UBE4B: variants seen among roughly 807,000 people sequenced by gnomAD.
UBE4B encodes the protein ubiquitination factor E4B, also known as ubiquitin conjugation factor E4 B.
In UBE4B, 27 loss-of-function variants were observed where a neutral mutation model predicts 148.1. The ratio of observed to expected loss-of-function variants is 0.18; its 90% CI spans 0.13 to 0.25. UBE4B has a LOEUF of 0.25. UBE4B is among the 10% of genes least tolerant of loss of function. UBE4B has a pLI of 1.00. For missense variants in UBE4B, 1,170 were observed against 1,662.4 expected, an observed-to-expected ratio of 0.70 and a Z score of 5.15; for synonymous variants, 596 against 619.3, an observed-to-expected ratio of 0.96 and a Z score of 0.56.
intron 16 of UBE4B, among the ~76,000 whole-genome samples, chr1:10,135,514 A>C (rs1276207674): frequency 6.6e-6 from 1 of 151,874 alleles, no homozygotes; most frequent in Non-Finnish European, 1.5e-5. Context: ...TGAGGTGGGC[A>C]GATCAAAAGG....
At chr1:10,134,198 C>T (rs1379136822) in intron 15 of UBE4B, among the ~76,000 whole-genome samples, 1 of 150,722 alleles carries the variant, frequency 6.6e-6, no homozygotes, top group Non-Finnish European at 1.5e-5. Flanking sequence ...TAAGAATTAT[C>T]GTGATGGTTC....
rs1158362406 is a variant in UBE4B at position 10,045,238 on chromosome 1, G to A, written c.24+11544G>A. Among the ~76,000 whole-genome samples the A allele has an allele frequency of 5.9e-5, 9 of 152,358 alleles. No homozygotes were observed. The South Asian group carries it at 1.7e-3, about 28-fold the overall frequency. On this transcript the variant is annotated intron_variant, in intron 1 of 27. Coordinates refer to ENST00000343090, the MANE Select transcript of UBE4B (RefSeq NM_001105562.3). The stretch of plus-strand genomic sequence containing the variant: ...TCGCGTGCTTGCTTGGTACTGGTCT[G>A]TGGCCCAGGGGTTGGGGACCCCCGC...
chr1:10,151,828 C>A (rs1050875919), intron 21 of UBE4B, among the ~76,000 whole-genome samples: 1 of 151,992 alleles, frequency 6.6e-6, no homozygotes, highest in African/African-American at 2.4e-5. Flanking sequence ...CCCAGGGTAT[C>A]AAGAGCACAA....
rs1645376928 is a variant in UBE4B at position 10,119,550 on chromosome 1, A to G, written c.1376A>G (p.Asn459Ser). ...CCAGCAGTCAGCCAGCTTCTGAGCA[A>G]CATCCGCTCACAGTGCATATCCCAT... Reference protein sequence around the residue: ...SQPAVSQLLSNIRSQCISHTA... With the variant: ...SQPAVSQLLSSIRSQCISHTA... Residue 459 changes from asparagine to serine, a missense_variant, in exon 9 of 28, where the codon AAC (asparagine) becomes AGC (serine). Around this residue, in one of 6 missense-constraint regions of UBE4B, gnomAD observed 388 missense variants for 536.0 expected, o/e 0.72. Coordinates refer to ENST00000343090, the MANE Select transcript of UBE4B (RefSeq NM_001105562.3). The G allele has an allele frequency of 6.2e-7, 1 of 1,613,780 alleles. No homozygotes were observed. The highest frequency in any genetic ancestry group is 8.5e-7 in the Non-Finnish European group (1 of 1,179,752).
At chr1:10,045,512 G>T (rs534050298) in intron 1 of UBE4B, among the ~76,000 whole-genome samples, 7 of 152,120 alleles carry the variant, frequency 4.6e-5, no homozygotes, top group Non-Finnish European at 1.0e-4. Flanking sequence ...GTTTCTCTTG[G>T]TGGTGAAAAA....
intron 11 of UBE4B, chr1:10,128,692 G>T (rs537279275): frequency 6.6e-6 from 1 of 152,354 alleles, no homozygotes; most frequent in Non-Finnish European, 1.5e-5. Context: ...TCAACGTTGT[G>T]TCAATGCCTA....
intron 23 of UBE4B, among the ~76,000 whole-genome samples, chr1:10,164,954 A>G (rs1326497287): frequency 6.6e-6 from 1 of 152,166 alleles, no homozygotes; most frequent in African/African-American, 2.4e-5. Context: ...ATTTAATGTC[A>G]GGGATGTACC....
Position 10,179,478 on chromosome 1 carries a change from C to T in UBE4B, c.3763C>T (p.Arg1255Cys). ...VRLPSGTIMD[R>C]SIILRHLLNS... is the part of the protein sequence containing the mutation. ...GCTGCCCTCTGGCACCATCATGGAC[C>T]GCTCCATCATCCTGCGGCACCTGCT... The change falls in exon 27 of 28, where the codon CGC becomes TGC. Residue 1255 changes from arginine to cysteine, a missense_variant. Around this residue, in one of 6 missense-constraint regions of UBE4B, gnomAD observed 348 missense variants for 627.2 expected, o/e 0.55. Transcript: ENST00000343090. 6.2e-7 allele frequency: 1 copy of T among 1,614,056 alleles called. No individual in the cohort carries two copies. The highest frequency in any genetic ancestry group is 8.5e-7 in the Non-Finnish European group (1 of 1,180,038).
At chr1:10,176,844 G>C (rs190056567) in intron 25 of UBE4B, among the ~76,000 whole-genome samples, 1 of 142,950 alleles carries the variant, frequency 7.0e-6, no homozygotes, top group Non-Finnish European at 1.5e-5. Flanking sequence ...GGAGTGCAGT[G>C]GTGCGATCTC....
chr1:10,049,592 A>T (rs953119929), intron 1 of UBE4B, among the ~76,000 whole-genome samples: 47 of 151,740 alleles, frequency 3.1e-4, no homozygotes, highest in African/African-American at 9.7e-4. Context: ...AAAAAAAAAA[A>T]ATTTTTTTAA....
intron 3 of UBE4B, 82 bp from the exon 4 acceptor site, chr1:10,101,026 A>G (rs1253214444): frequency 1.2e-4 from 155 of 1,241,878 alleles, no homozygotes; most frequent in Non-Finnish European, 1.7e-4. Flanking sequence ...GATATTTTAA[A>G]ACATTTTCTC....
At chr1:10,121,031 T>A (rs2101922267) in intron 9 of UBE4B, among the ~76,000 whole-genome samples, 2 of 152,244 alleles carry the variant, frequency 1.3e-5, no homozygotes, top group Middle Eastern at 6.8e-3. Flanking sequence ...CCTCAGCCAC[T>A]ACTAATATTT....
In UBE4B at chr1:10,096,442, G is replaced by A. The variant is rs566536324; in HGVS notation, c.347+846G>A. 3.3e-5 allele frequency among the ~76,000 whole-genome samples: 5 copies of A among 152,178 alleles called. No homozygotes were observed. In the South Asian group the frequency reaches 1.0e-3, roughly 32 times the overall value. On this transcript the variant is annotated intron_variant, in intron 3 of 27. Transcript: ENST00000343090. ...TCAGTGGGCTAAACAGATGAAGAGG[G>A]GAATTAAGTCCGGGCTCGATGGCTC...
intron 2 of UBE4B, among the ~76,000 whole-genome samples, chr1:10,088,340 C>T (rs1286060783): frequency 6.6e-6 from 1 of 152,102 alleles, no homozygotes; most frequent in Non-Finnish European, 1.5e-5. Flanking sequence ...TGTTGTTCTT[C>T]ACAGACTTGA....
intron 14 of UBE4B, among the ~76,000 whole-genome samples, chr1:10,132,095 A>G (rs1215385884): frequency 6.6e-6 from 1 of 152,112 alleles, no homozygotes; most frequent in East Asian, 1.9e-4. Flanking sequence ...GCACCACTGC[A>G]CTCCAGCCTG....
At chr1:10,171,116 C>CT in intron 24 of UBE4B, 22 bp from the exon 25 acceptor site, 1 of 1,608,666 alleles carries the variant, frequency 6.2e-7, no homozygotes, top group Non-Finnish European at 8.5e-7. Flanking sequence ...ATGAATTGTC[C>CT]TATTATCCTG....
chr1:10,121,642 C>A (rs1407761486), intron 9 of UBE4B, among the ~76,000 whole-genome samples: 2 of 152,102 alleles, frequency 1.3e-5, no homozygotes, highest in African/African-American at 4.8e-5. Context: ...GATCCTCCCA[C>A]CTCAGCCTGC....
chr1:10,145,234 C>T (rs1645849837), intron 18 of UBE4B, 195 bp downstream of exon 18: 1 of 439,906 alleles, frequency 2.3e-6, no homozygotes, highest in Non-Finnish European at 4.1e-6. Context: ...AGTCTCAGGA[C>T]AGAATATGGA....
At chr1:10,131,690 C>A (rs946830012) in intron 14 of UBE4B, among the ~76,000 whole-genome samples, 5 of 152,042 alleles carry the variant, frequency 3.3e-5, no homozygotes, top group African/African-American at 1.2e-4. Context: ...GGTGAAACCT[C>A]GTCACTGCTA....
Sources: allele counts gnomAD v4.1 joint callset (sites outside exome capture counted in the v4.1 genomes callset), GRCh38; gene constraint gnomAD v4.1.1; regional missense constraint gnomAD v4.1.1; transcripts MANE v1.5; gene names NCBI Gene and HGNC (gene_info 2026-07-23, HGNC 2026-07-21).